Variants in RBFOX1 observed in about 807,000 individuals in gnomAD.
RBFOX1 encodes RNA binding protein fox-1 homolog 1.
Under a neutral mutation model 57.7 loss-of-function variants are expected in RBFOX1, and 8 were observed. The ratio of observed to expected loss-of-function variants is 0.14; its 90% confidence interval spans 0.08 to 0.25. The LOEUF is 0.25. RBFOX1 is among the 10% of genes least tolerant of loss of function. RBFOX1 has a pLI of 1.00. For missense variants in RBFOX1, 611 were observed against 548.5 expected (o/e 1.11, Z -1.14); for synonymous variants, 326 against 222.4 (o/e 1.47, Z -4.15).
chr16:5,412,847 T>C (rs1352652028), intron 1 of RBFOX1, among the ~76,000 whole-genome samples: 2 of 152,196 alleles, frequency 1.3e-5, no homozygotes, highest in Non-Finnish European at 2.9e-5. Flanking sequence ...TTGGGAAGGA[T>C]CCAGGAGTCC....
rs578132898 is a variant in RBFOX1, at chr16:5,985,243, C to T, written c.351+117908C>T. On this transcript the variant is annotated intron_variant, in intron 4 of 19. Transcript: ENST00000641259. ...TCCTGACCTCCTGATCCATCCCCCT[C>T]GGCCTCCCAAAGTGGTGGGATTACA... 7.2e-5 allele frequency among the ~76,000 whole-genome samples: 11 copies of T among 151,866 alleles called. No homozygotes were observed. In the South Asian group the frequency reaches 2.1e-3, roughly 29 times the overall value.
chr16:7,348,787 C>T (rs1274546798), intron 4 of RBFOX1, among the ~76,000 whole-genome samples: 2 of 152,032 alleles, frequency 1.3e-5, no homozygotes, highest in African/African-American at 4.8e-5. Context: ...ACTAAAAATG[C>T]CAAAATTAGC....
chr16:5,710,994 C>T (rs73518052), intron 3 of RBFOX1, among the ~76,000 whole-genome samples: 12,492 of 152,218 alleles, frequency 0.082, 1,729 homozygotes, highest in African/African-American at 0.28. Flanking sequence ...AGTTCTTGTG[C>T]CTGACCCTAG....
intron 2 of RBFOX1, among the ~76,000 whole-genome samples, chr16:6,553,034 TG>T (rs1360839960): frequency 4.6e-5 from 7 of 152,172 alleles, no homozygotes; most frequent in Admixed American, 2.0e-4. Flanking sequence ...TATTATTATT[TG>T]TTTTGACACT....
intron 4 of RBFOX1, among the ~76,000 whole-genome samples, chr16:7,440,080 T>C (rs1293133001): frequency 1.3e-5 from 2 of 151,700 alleles, no homozygotes; most frequent in Non-Finnish European, 2.9e-5. Context: ...GCCCCTCAAG[T>C]TGCTGGGGTT....
At chr16:7,144,053 T>A (rs1484466246) in intron 4 of RBFOX1, among the ~76,000 whole-genome samples, 1 of 152,156 alleles carries the variant, frequency 6.6e-6, no homozygotes, top group Non-Finnish European at 1.5e-5. Flanking sequence ...AGGCTGAGTT[T>A]CGGGTTGATG....
intron 2 of RBFOX1, among the ~76,000 whole-genome samples, chr16:6,558,210 G>A (rs1457527423): frequency 1.3e-5 from 2 of 152,174 alleles, no homozygotes; most frequent in Non-Finnish European, 2.9e-5. Flanking sequence ...TGTTGGGTTA[G>A]TGATGGGTGA....
chr16:5,607,694 C>T (rs765677142), intron 3 of RBFOX1, among the ~76,000 whole-genome samples: 2 of 152,172 alleles, frequency 1.3e-5, no homozygotes, highest in African/African-American at 4.8e-5. Flanking sequence ...CTCCCTCATA[C>T]TTCTCTCTGT....
intron 3 of RBFOX1, among the ~76,000 whole-genome samples, chr16:6,812,833 C>G (rs1175451930): frequency 6.6e-6 from 1 of 152,146 alleles, no homozygotes; most frequent in Non-Finnish European, 1.5e-5. Context: ...TACAGCAGTA[C>G]CATAGAAGAT....
At position 7,577,269 on chromosome 16, in the gene RBFOX1, G is replaced by C. The variant is rs987862444; in HGVS notation, c.271-2508G>C. Among the ~76,000 whole-genome samples the C allele has an allele frequency of 7.4e-4, 113 of 152,256 alleles. 1 individual carries two copies. The highest frequency in any genetic ancestry group is 2.6e-3 in the African/African-American group (110 of 41,536). Reference sequence around the variant, plus strand: ...GGCTCCTTATTGCTCTTAGGATGAAGCTCAGACTCTTGCTTTGCACAGTGT... The same window carrying C: ...GGCTCCTTATTGCTCTTAGGATGAACCTCAGACTCTTGCTTTGCACAGTGT... On this transcript the variant is annotated intron_variant, in intron 5 of 15. Coordinates refer to ENST00000550418, the MANE Select transcript of RBFOX1 (RefSeq NM_018723.4).
intron 2 of RBFOX1, among the ~76,000 whole-genome samples, chr16:6,544,659 C>T (rs976475809): frequency 7.2e-5 from 11 of 152,194 alleles, no homozygotes; most frequent in African/African-American, 1.9e-4. Context: ...ACTTCAGTTT[C>T]GCTGACTGCG....
intron 3 of RBFOX1, among the ~76,000 whole-genome samples, chr16:6,885,765 A>G (rs1401654729): frequency 6.6e-6 from 1 of 152,110 alleles, no homozygotes; most frequent in Non-Finnish European, 1.5e-5. Flanking sequence ...CTCATGCCTC[A>G]GGTGATTCAC....
chr16:5,439,945 G>T (rs1439374228), intron 1 of RBFOX1, among the ~76,000 whole-genome samples: 2 of 152,194 alleles, frequency 1.3e-5, no homozygotes, highest in Admixed American at 1.3e-4. Flanking sequence ...CAAGCTGGCA[G>T]CTTGGAAGTG....
chr16:7,117,638 GT>G (rs1404007032), intron 4 of RBFOX1, among the ~76,000 whole-genome samples: 1 of 152,190 alleles, frequency 6.6e-6, no homozygotes, highest in African/African-American at 2.4e-5. Flanking sequence ...ATCAGGTTAG[GT>G]TTTTACGCTG....
intron 1 of RBFOX1, among the ~76,000 whole-genome samples, chr16:6,063,081 C>T (rs1170144560): frequency 1.3e-5 from 2 of 152,188 alleles, no homozygotes; most frequent in Non-Finnish European, 2.9e-5. Context: ...CTGTAAAATA[C>T]TTTCACAGAA....
intron 4 of RBFOX1, among the ~76,000 whole-genome samples, chr16:7,391,612 TA>T (rs1249556590): frequency 6.6e-6 from 1 of 152,206 alleles, no homozygotes; most frequent in Non-Finnish European, 1.5e-5. Context: ...CCTTCATTTG[TA>T]GCTTGCATCA....
chr16:6,970,795 C>G (rs369088496), intron 3 of RBFOX1, among the ~76,000 whole-genome samples: 4 of 152,250 alleles, frequency 2.6e-5, no homozygotes, highest in African/African-American at 9.6e-5. Flanking sequence ...GTCTTATGCC[C>G]TGTCTACAAA....
chr16:6,028,562 T>C (rs1352775207), intron 1 of RBFOX1, among the ~76,000 whole-genome samples: 1 of 150,198 alleles, frequency 6.7e-6, no homozygotes, highest in Non-Finnish European at 1.5e-5. Context: ...CTCATGCCTG[T>C]AGTCCTAGCT....
At chr16:6,557,029 ATATACACAT>A in intron 2 of RBFOX1, among the ~76,000 whole-genome samples, 1 of 129,558 alleles carries the variant, frequency 7.7e-6, no homozygotes, top group South Asian at 2.2e-4. Flanking sequence ...ATATATACAT[ATATACACAT>A]ATATATACAT....
Sources: gnomAD v4.1 joint callset for allele counts (sites outside exome capture counted in the v4.1 genomes callset) on GRCh38, gnomAD v4.1.1 for gene constraint, MANE v1.5 for transcripts, NCBI Gene and HGNC (gene_info 2026-07-23, HGNC 2026-07-21) for gene names.